ANK2: variants seen among roughly 807,000 people sequenced by gnomAD.
ANK2 encodes the protein ankyrin-2.
A neutral mutation model predicts 360.5 loss-of-function variants in ANK2; 83 were observed. The ratio of observed to expected loss-of-function variants is 0.23; its 90% CI spans 0.19 to 0.28. The LOEUF (loss-of-function observed/expected upper bound fraction) is 0.28, where lower values mean the gene tolerates loss of function less well. Among genes scored for constraint, ANK2 ranks in the 10% least tolerant of loss-of-function variants. The pLI is 1.00. For missense variants in ANK2, 4,201 were observed against 4,795.7 expected, an observed-to-expected ratio of 0.88 and a Z score of 3.66; for synonymous variants, 1,740 against 1,759.5, an observed-to-expected ratio of 0.99 and a Z score of 0.28.
chr4:112,835,362 A>G (rs1459462415), intron 1 of ANK2, among the ~76,000 whole-genome samples: 1 of 152,160 alleles, frequency 6.6e-6, no homozygotes, highest in African/African-American at 2.4e-5. Flanking sequence ...TTGGTCATCT[A>G]TTATTTAAAG....
chr4:113,148,517 C>T (rs773586337), intron 1 of ANK2, among the ~76,000 whole-genome samples: 7 of 152,092 alleles, frequency 4.6e-5, no homozygotes, highest in African/African-American at 1.2e-4. Context: ...TCAGGTTTTT[C>T]GTATGAGCTT....
chr4:113,272,449 T>G (rs1274296876), intron 14 of ANK2, among the ~76,000 whole-genome samples: 3 of 152,244 alleles, frequency 2.0e-5, no homozygotes, highest in African/African-American at 7.2e-5. Context: ...AGCAGTAAAT[T>G]CAACTTTTGC....
intron 4 of ANK2, among the ~76,000 whole-genome samples, chr4:113,222,006 T>C (rs1363485369): frequency 6.6e-6 from 1 of 152,340 alleles, no homozygotes; most frequent in Middle Eastern, 3.4e-3. Flanking sequence ...TAGTTAAACA[T>C]GGGTTCGAAT....
intron 11 of ANK2, among the ~76,000 whole-genome samples, chr4:113,256,594 T>G (rs1366018779): frequency 6.6e-6 from 1 of 152,230 alleles, no homozygotes; most frequent in East Asian, 1.9e-4. Flanking sequence ...CTTCACTTAT[T>G]TTCTAACAAT....
chr4:113,293,603 C>T (rs919399455), intron 22 of ANK2, 65 bp downstream of exon 22: 2 of 1,436,758 alleles, frequency 1.4e-6, no homozygotes, highest in East Asian at 2.3e-5. Context: ...AATACATGTA[C>T]AGTACTTTTT....
chr4:113,046,529 A>G (rs556480674), upstream of ANK2, among the ~76,000 whole-genome samples: 1 of 152,100 alleles, frequency 6.6e-6, no homozygotes. Context: ...GGTGGAGGGA[A>G]CTAGGTAGGC....
intron 4 of ANK2, among the ~76,000 whole-genome samples, chr4:113,216,273 C>G (rs975639976): frequency 8.5e-5 from 13 of 152,212 alleles, no homozygotes; most frequent in Admixed American, 6.5e-4. Context: ...GGCCAAGCTA[C>G]AGAATACTCT....
chr4:112,777,851 CAG>C, the ANK2 span, among the ~76,000 whole-genome samples: 1 of 150,682 alleles, frequency 6.6e-6, no homozygotes, highest in East Asian at 2.0e-4. Flanking sequence ...TTTCTGACCT[CAG>C]GTGATCCGCC....
At chr4:112,727,831 T>G in the ANK2 span, among the ~76,000 whole-genome samples, 2 of 151,994 alleles carry the variant, frequency 1.3e-5, no homozygotes, top group Admixed American at 1.3e-4. Flanking sequence ...ATACAAAAAA[T>G]TAGCTGGGCG....
At chr4:112,877,807 T>C (rs2075559971) in intron 1 of ANK2, among the ~76,000 whole-genome samples, 1 of 152,166 alleles carries the variant, frequency 6.6e-6, no homozygotes, top group Admixed American at 6.5e-5. Context: ...TACCTCCATC[T>C]TAATGCTGGA....
intron 2 of ANK2, among the ~76,000 whole-genome samples, chr4:112,916,219 C>A (rs149021481): frequency 7.9e-5 from 12 of 152,234 alleles, no homozygotes; most frequent in East Asian, 5.8e-4. Flanking sequence ...TGACATGGTT[C>A]TGATGAGGAA....
At chr4:113,105,094 A>G (rs1236312435) in intron 1 of ANK2, among the ~76,000 whole-genome samples, 2 of 152,132 alleles carry the variant, frequency 1.3e-5, no homozygotes, top group African/African-American at 4.8e-5. Flanking sequence ...GAAATTCAGG[A>G]GGAGAGGAAT....
At position 113,355,121 on chromosome 4, in the gene ANK2, A is replaced by C. The variant is rs2095663982; in HGVS notation, c.6503A>C (p.Gln2168Pro). 6.2e-7 allele frequency: 1 copy of C among 1,614,010 alleles called. No individual in the cohort carries two copies. The highest frequency in any genetic ancestry group is 1.1e-5 in the South Asian group (1 of 91,090). Residue 2168 changes from glutamine (Q) to proline (P), a missense_variant, in exon 38 of 46, where the codon CAA becomes CCA. By Grantham distance (76) the Gln-to-Pro change is moderately conservative (BLOSUM62 -1). Transcript: ENST00000357077. Reference protein sequence around the residue: ...ETEKAQLHLDQVLTSPFNTTF... With the variant: ...ETEKAQLHLDPVLTSPFNTTF... ...GAAAAGGCACAGCTTCACTTAGACC[A>C]AGTACTCACTAGTCCTTTCAACACA...
intron 1 of ANK2, among the ~76,000 whole-genome samples, chr4:113,062,133 A>T (rs1262864114): frequency 6.6e-6 from 1 of 152,100 alleles, no homozygotes; most frequent in African/African-American, 2.4e-5. Flanking sequence ...TCTTGTCTAA[A>T]GCAGAATTAT....
At chr4:113,022,319 T>C (rs1041434550) in intron 2 of ANK2, among the ~76,000 whole-genome samples, 2 of 152,218 alleles carry the variant, frequency 1.3e-5, no homozygotes, top group Admixed American at 6.5e-5. Context: ...CAATTCTAGT[T>C]TCCCTTCCTA....
the ANK2 span, among the ~76,000 whole-genome samples, chr4:112,706,442 A>C: frequency 0.011 from 1,747 of 152,156 alleles, 29 homozygotes; most frequent in African/African-American, 0.038. Context: ...CTAGAAAAAT[A>C]CACGTCTTCC....
chr4:112,839,293 T>A (rs1465763455), intron 1 of ANK2, among the ~76,000 whole-genome samples: 2 of 152,172 alleles, frequency 1.3e-5, no homozygotes, highest in African/African-American at 4.8e-5. Flanking sequence ...GTGCTGAAGA[T>A]AATATAGTAT....
At chr4:113,359,341 TA>T in intron 38 of ANK2, 42 bp downstream of exon 38, 1 of 1,609,138 alleles carries the variant, frequency 6.2e-7, no homozygotes, top group Non-Finnish European at 8.5e-7. Flanking sequence ...ACGCATGTCA[TA>T]AAATTGATAT....
chr4:112,777,429 G>C, the ANK2 span, among the ~76,000 whole-genome samples: 1 of 151,904 alleles, frequency 6.6e-6, no homozygotes, highest in Non-Finnish European at 1.5e-5. Context: ...TTTTAGTAGA[G>C]ACAGGGTTTC....
Sources: allele counts gnomAD v4.1 joint callset (sites outside exome capture counted in the v4.1 genomes callset), GRCh38; gene constraint gnomAD v4.1.1; transcripts MANE v1.5; gene names NCBI Gene and HGNC (gene_info 2026-07-23, HGNC 2026-07-21).